CDC37: variants seen among roughly 807,000 people sequenced by gnomAD.
The protein encoded by CDC37 is cell division cycle 37, HSP90 cochaperone, also known as hsp90 co-chaperone Cdc37.
Under a neutral mutation model 46.9 loss-of-function variants are expected in CDC37, and 9 were observed. The observed-to-expected ratio is 0.19, with a 90% CI of 0.12 to 0.33. The LOEUF (loss-of-function observed/expected upper bound fraction) is 0.33, where lower values mean the gene tolerates loss of function less well. Ranked by LOEUF, CDC37 falls within the 10% of genes least tolerant of loss-of-function variation. The pLI is 1.00. For synonymous variants in CDC37, 193 were observed against 191.0 expected (o/e 1.01, Z -0.09); for missense variants, 388 against 514.6 (o/e 0.75, Z 2.38).
At chr19:10,401,605 G>C (rs1015002253) in intron 1 of CDC37, among the ~76,000 whole-genome samples, 1 of 152,200 alleles carries the variant, frequency 6.6e-6, no homozygotes, top group African/African-American at 2.4e-5. Flanking sequence ...AAATAGAAGC[G>C]CTAGAACTTT....
At position 10,403,526 on chromosome 19, in the gene CDC37, C is replaced by A. The variant is rs371549320; in HGVS notation, c.-47G>T. ...GCTCCGGCTCGGGTGGCGGCGACGG[C>A]GGCAGCAGTGGAGACTAGGAGCGCG... On this transcript the variant is annotated 5_prime_UTR_variant, in exon 1 of 8. Coordinates refer to ENST00000222005, the MANE Select transcript of CDC37 (RefSeq NM_007065.4). 4.6e-5 allele frequency: 67 copies of A among 1,446,038 alleles called. No homozygotes were observed. The African/African-American group carries it at 8.8e-4, about 19-fold the overall frequency. 89.6% of individuals were successfully genotyped at this position (1,446,038 alleles called of 1,614,324 possible). A position where few individuals can be genotyped will look rare whatever the true frequency, so the allele number is the denominator to read the frequency against.
At chr19:10,395,407 C>T (rs1463764580) in intron 3 of CDC37, 28 bp downstream of exon 3, 3 of 1,604,004 alleles carry the variant, frequency 1.9e-6, no homozygotes, top group Non-Finnish European at 8.5e-7. Context: ...CTCGACCTTG[C>T]CCCCCATAAC....
chr19:10,402,082 G>A (rs534224998), intron 1 of CDC37, among the ~76,000 whole-genome samples: 8 of 149,324 alleles, frequency 5.4e-5, no homozygotes, highest in East Asian at 2.0e-4. Flanking sequence ...ACTTGAACCC[G>A]GGAGGCAGAG....
At chr19:10,395,791 C>G in intron 2 of CDC37, 137 bp downstream of exon 2, 1 of 585,830 alleles carries the variant, frequency 1.7e-6, no homozygotes, top group Admixed American at 3.3e-5. Flanking sequence ...GTCCATCCCT[C>G]AGCTCCCCGC....
chr19:10,395,903 T>TACCCCCCCCCCCC lies in CDC37; in HGVS notation c.378+24_378+25insGGGGGGGGGGGGT. On this transcript the variant is annotated intron_variant, in intron 2 of 7. Coordinates refer to ENST00000222005, the MANE Select transcript of CDC37 (RefSeq NM_007065.4). The stretch of plus-strand genomic sequence containing the variant: ...AGGCTCTCTGGCTGCGCATGCGCAC[T>TACCCCCCCCCCCC]GCCCGCCCCGCCCGCCCCGCACACC... 11 of 1,573,918 alleles carry TACCCCCCCCCCCC rather than the reference T, an allele frequency of 7.0e-6. No homozygotes were observed. In the Admixed American group the frequency reaches 1.5e-4, roughly 22 times the overall value.
Position 10,396,335 on chromosome 19 carries a change from T to C in CDC37, c.103-132A>G. 2 of 1,061,336 alleles carry C rather than the reference T, an allele frequency of 1.9e-6. No homozygotes were observed. Among genetic ancestry groups the C allele is most frequent in the Non-Finnish European group, 2.7e-6 (2 of 745,562 alleles). The allele number at this position is 1,061,336 out of a possible 1,614,324, so 65.7% of individuals were successfully genotyped here. ...ACCTCCCGTGCCCTGGTCTCCCAGC[T>C]TCCGCCCCTGCGCCCACAGGTGCCA... On this transcript the variant is annotated intron_variant, in intron 1 of 7. Coordinates refer to ENST00000222005, the MANE Select transcript of CDC37 (RefSeq NM_007065.4). The surrounding 1 kb of genome is among the most constrained non-coding windows in gnomAD (Gnocchi z 5.9).
chr19:10,397,693 C>G (rs2042499350), intron 1 of CDC37, among the ~76,000 whole-genome samples: 1 of 152,110 alleles, frequency 6.6e-6, no homozygotes, highest in Non-Finnish European at 1.5e-5. Flanking sequence ...GCATGAGCCA[C>G]TGCACCAGGG....
At chr19:10,402,196 C>T (rs1324069161) in intron 1 of CDC37, among the ~76,000 whole-genome samples, 1 of 145,146 alleles carries the variant, frequency 6.9e-6, no homozygotes, top group African/African-American at 2.6e-5. Context: ...ATACAACAGA[C>T]ACTGGTATGT....
In CDC37 at chr19:10,398,607, A is replaced by C. The variant is rs775764227; in HGVS notation, c.103-2404T>G. 1.3e-5 allele frequency among the ~76,000 whole-genome samples: 2 copies of C among 152,252 alleles called. No homozygotes were observed. Among genetic ancestry groups the C allele is most frequent in the African/African-American group, 2.4e-5 (1 of 41,466 alleles). On this transcript the variant is annotated intron_variant, in intron 1 of 7. Transcript: ENST00000222005. The surrounding 1 kb of genome is among the most constrained non-coding windows in gnomAD (Gnocchi z 4.2). Reference sequence around the variant, plus strand: ...ATTGGAAGAAACTAAGGAGATGATTAGAGTAAAATGTCCCGAGCCATGTGG... The same window carrying C: ...ATTGGAAGAAACTAAGGAGATGATTCGAGTAAAATGTCCCGAGCCATGTGG...
In CDC37 at chr19:10,398,267, A is replaced by G. The variant is rs565141396; in HGVS notation, c.103-2064T>C. On this transcript the variant is annotated intron_variant, in intron 1 of 7. Transcript: ENST00000222005. This position sits in a 1 kb window ranked among gnomAD's most constrained non-coding sequence, Gnocchi z 4.2. The stretch of plus-strand genomic sequence containing the variant: ...AGATACTGGCCCTCATCGTTCCCCG[A>G]AAGTACGGGCTCTGTCTTGCCTCTT... Among the ~76,000 whole-genome samples the G allele has an allele frequency of 2.0e-5, 3 of 152,288 alleles. No homozygotes were observed. The East Asian group carries it at 5.8e-4, about 29-fold the overall frequency.
chr19:10,399,374 C>G (rs1325811313), intron 1 of CDC37, among the ~76,000 whole-genome samples: 1 of 143,576 alleles, frequency 7.0e-6, no homozygotes, highest in Non-Finnish European at 1.5e-5. Context: ...GAGGCTGAGG[C>G]AGAATCGCTT....
At position 10,396,324 on chromosome 19, in the gene CDC37, G is replaced by A. The variant is rs892783998; in HGVS notation, c.103-121C>T. 1 of 1,174,280 alleles carries A rather than the reference G, an allele frequency of 8.5e-7. No individual in the cohort carries two copies. Among genetic ancestry groups the A allele is most frequent in the African/African-American group, 1.5e-5 (1 of 64,754 alleles). 72.7% of individuals were successfully genotyped at this position (1,174,280 alleles called of 1,614,324 possible). On this transcript the variant is annotated intron_variant, in intron 1 of 7. Transcript: ENST00000222005. The surrounding 1 kb of genome is among the most constrained non-coding windows in gnomAD (Gnocchi z 5.9). ...AGTACGCGTCCACCTCCCGTGCCCT[G>A]GTCTCCCAGCTTCCGCCCCTGCGCC...
chr19:10,395,036 G>A lies in CDC37; in HGVS notation c.711C>T (p.Phe237=). The change falls in exon 5 of 8, where the codon TTC becomes TTT. Residue 237 remains phenylalanine, a synonymous_variant. Transcript: ENST00000222005. ...KVDPRACFRQ[F]FTKIKTADRQ... is the part of the protein sequence containing the mutation. ...GGGACCCTACCTTAATCTTAGTGAAGAACTGCCGGAAGCAGGCCCGGGGGT... is the reference window on the plus strand; with the variant it reads ...GGGACCCTACCTTAATCTTAGTGAAAAACTGCCGGAAGCAGGCCCGGGGGT... 1 of 1,525,752 alleles carries A rather than the reference G, an allele frequency of 6.6e-7. No individual in the cohort carries two copies. Among genetic ancestry groups the A allele is most frequent in the Non-Finnish European group, 8.8e-7 (1 of 1,137,358 alleles). 94.5% of individuals were successfully genotyped at this position (1,525,752 alleles called of 1,614,324 possible). A position where few individuals can be genotyped will look rare whatever the true frequency, so the allele number is the denominator to read the frequency against.
Position 10,393,706 on chromosome 19 carries a change from A to C in CDC37, c.727-265T>G. 2.3e-6 allele frequency: 1 copy of C among 432,074 alleles called. No individual in the cohort carries two copies. Among genetic ancestry groups the C allele is most frequent in the Non-Finnish European group, 4.1e-6 (1 of 242,604 alleles). 26.8% of individuals were successfully genotyped at this position (432,074 alleles called of 1,614,324 possible). ...CAGTGTCCCTGCATGGGCACCTCTAACTCAACATGGCCACCTCCCAGCCTG... is the reference window on the plus strand; with the variant it reads ...CAGTGTCCCTGCATGGGCACCTCTACCTCAACATGGCCACCTCCCAGCCTG... On this transcript the variant is annotated intron_variant, in intron 5 of 7. Transcript: ENST00000222005. The surrounding 1 kb of genome is among the most constrained non-coding windows in gnomAD (Gnocchi z 4.9).
intron 1 of CDC37, among the ~76,000 whole-genome samples, chr19:10,401,820 T>C (rs1295404454): frequency 6.6e-6 from 1 of 152,092 alleles, no homozygotes; most frequent in Non-Finnish European, 1.5e-5. Context: ...GGGTAAGAGA[T>C]CCTCACTAGA....
intron 1 of CDC37, among the ~76,000 whole-genome samples, chr19:10,397,281 A>G (rs1453957429): frequency 6.6e-6 from 1 of 151,896 alleles, no homozygotes; most frequent in Non-Finnish European, 1.5e-5. Context: ...TTTTGTTTGA[A>G]CAAGGTCTTG....
At position 10,391,414 on chromosome 19, in the gene CDC37, GGGCTGGGCGGGCCCCCCA is replaced by G; in HGVS notation, c.*119_*136del. 4 of 1,000,744 alleles carry G rather than the reference GGGCTGGGCGGGCCCCCCA, an allele frequency of 4.0e-6. No homozygotes were observed. The highest frequency in any genetic ancestry group is 2.4e-5 in the East Asian group (1 of 41,894). 62.0% of individuals were successfully genotyped at this position (1,000,744 alleles called of 1,614,324 possible). ...GTGGAGACAGTGGAGAGGCCAGGGA[GGGCTGGGCGGGCCCCCCA>G]GGCTGGGCCGAGCAGCGCAAGTAGA... is the stretch of plus-strand genomic sequence containing the variant. On this transcript the variant is annotated 3_prime_UTR_variant, in exon 8 of 8. Transcript: ENST00000222005.
rs1431904640 is a variant in CDC37, at chr19:10,396,167, T to C, written c.139A>G (p.Lys47Glu). The change falls in exon 2 of 8, where the codon AAG (lysine) becomes GAG (glutamate). Residue 47 changes from lysine to glutamate, a missense_variant. Around this residue, in one of 2 missense-constraint regions of CDC37, gnomAD observed 374 missense variants for 467.4 expected, o/e 0.80. Coordinates refer to ENST00000222005, the MANE Select transcript of CDC37 (RefSeq NM_007065.4). This position sits in a 1 kb window ranked among gnomAD's most constrained non-coding sequence, Gnocchi z 5.9. ...CGGCAGCCCCTGTCCAGTTCCTCCT[T>C]CTCCTTCTGGAACTGCTCCATGCGT... ...VERMEQFQKE[K>E]EELDRGCREC... is the part of the protein sequence containing the mutation. 6.2e-7 allele frequency: 1 copy of C among 1,613,844 alleles called. No individual in the cohort carries two copies. Among genetic ancestry groups the C allele is most frequent in the Non-Finnish European group, 8.5e-7 (1 of 1,179,902 alleles).
intron 2 of CDC37, 179 bp from the exon 3 acceptor site, chr19:10,395,722 C>G: frequency 1.3e-6 from 1 of 744,916 alleles, no homozygotes; most frequent in Non-Finnish European, 2.2e-6. Context: ...AGGAGGGGAC[C>G]GGTGGGGTGT....
Sources: gnomAD v4.1 joint callset for allele counts (sites outside exome capture counted in the v4.1 genomes callset) on GRCh38, gnomAD v4.1.1 for gene constraint, gnomAD v4.1.1 regional missense constraint, Gnocchi (gnomAD v3.1) non-coding constraint, MANE v1.5 for transcripts, NCBI Gene and HGNC (gene_info 2026-07-23, HGNC 2026-07-21) for gene names.